Variants in ADK observed in about 807,000 individuals in gnomAD.
ADK encodes adenosine kinase.
Under a neutral mutation model 44.7 loss-of-function variants are expected in ADK, and 24 were observed. That is an observed-to-expected ratio of 0.54 (90% CI 0.39 to 0.76). The LOEUF is 0.76. Ranked by LOEUF, ADK falls within the 30% of genes least tolerant of loss-of-function variation. The pLI, the probability that ADK is intolerant of heterozygous loss-of-function variation, is 0.00. For synonymous variants in ADK, 128 were observed against 142.6 expected (o/e 0.90, Z 0.73); for missense variants, 321 against 425.1 (o/e 0.76, Z 2.15).
chr10:74,398,713 G>A, intron 6 of ADK, 134 bp downstream of exon 6: 1 of 514,720 alleles, frequency 1.9e-6, no homozygotes, highest in Admixed American at 3.4e-5. Context: ...GCATATGTTA[G>A]ATTCACTATT....
At chr10:74,604,035 G>A (rs900807260) in intron 9 of ADK, among the ~76,000 whole-genome samples, 9 of 152,070 alleles carry the variant, frequency 5.9e-5, no homozygotes, top group Admixed American at 2.0e-4. Context: ...TTTGTTGGCC[G>A]CATAAATATC....
intron 6 of ADK, among the ~76,000 whole-genome samples, chr10:74,472,036 G>A (rs1474600534): frequency 6.6e-6 from 1 of 151,766 alleles, no homozygotes; most frequent in Non-Finnish European, 1.5e-5. Context: ...GACTGCTCTG[G>A]ATACAACTTC....
chr10:74,402,795 G>A (rs1196961647), intron 6 of ADK, among the ~76,000 whole-genome samples: 1 of 152,178 alleles, frequency 6.6e-6, no homozygotes, highest in Admixed American at 6.5e-5. Flanking sequence ...TTGCTGGCGA[G>A]GAGCTGTGTT....
intron 4 of ADK, among the ~76,000 whole-genome samples, chr10:74,316,381 T>C (rs1204435368): frequency 6.6e-6 from 1 of 152,202 alleles, no homozygotes; most frequent in Non-Finnish European, 1.5e-5. Flanking sequence ...CACCCAAATC[T>C]AATCTTGAAT....
intron 6 of ADK, among the ~76,000 whole-genome samples, chr10:74,427,227 CT>C (rs1413818835): frequency 1.3e-5 from 2 of 152,012 alleles, no homozygotes; most frequent in Non-Finnish European, 2.9e-5. Context: ...GAGGTGGAGT[CT>C]GGCTCTGTCG....
chr10:74,237,623 A>T (rs1404883918), intron 3 of ADK, among the ~76,000 whole-genome samples: 1 of 152,238 alleles, frequency 6.6e-6, no homozygotes, highest in Non-Finnish European at 1.5e-5. Flanking sequence ...ATCACGGTCT[A>T]TGGCAGCTAT....
intron 10 of ADK, among the ~76,000 whole-genome samples, chr10:74,677,579 A>G (rs1162388562): frequency 6.6e-6 from 1 of 152,154 alleles, no homozygotes; most frequent in Non-Finnish European, 1.5e-5. Flanking sequence ...AGACTAGAAG[A>G]CAACTTGGTA....
chr10:74,168,896 C>A (rs12357530), intron 1 of ADK, among the ~76,000 whole-genome samples: 19,098 of 151,984 alleles, frequency 0.13, 1,206 homozygotes, highest in Middle Eastern at 0.2. Context: ...CAGACGTGAG[C>A]CACCGTGCCT....
intron 6 of ADK, among the ~76,000 whole-genome samples, chr10:74,476,818 T>C (rs189703808): frequency 1.3e-5 from 2 of 152,282 alleles, no homozygotes; most frequent in Admixed American, 1.3e-4. Flanking sequence ...CTGCCAACCA[T>C]GGGAAAAGTT....
chr10:74,495,428 CT>C (rs1847648372), intron 6 of ADK, among the ~76,000 whole-genome samples: 1 of 151,972 alleles, frequency 6.6e-6, no homozygotes, highest in Non-Finnish European at 1.5e-5. Flanking sequence ...TTTCAACTTC[CT>C]TAGGGTATTT....
intron 2 of ADK, among the ~76,000 whole-genome samples, chr10:74,207,028 G>C (rs1564593055): frequency 6.6e-6 from 1 of 152,212 alleles, no homozygotes; most frequent in South Asian, 2.1e-4. Context: ...GCGTGGCAAA[G>C]AGTGTGTGAG....
Position 74,593,118 on chromosome 10 carries a change from G to A in ADK, c.762+3801G>A, listed in dbSNP as rs931945781. Reference sequence around the variant, plus strand: ...TGTGTTCTTCACAAATATAAATAGTGCAATGAATGATCACTCAGAGTTTCA... The same window carrying A: ...TGTGTTCTTCACAAATATAAATAGTACAATGAATGATCACTCAGAGTTTCA... On this transcript the variant is annotated intron_variant, in intron 8 of 10. Coordinates refer to ENST00000539909, the MANE Select transcript of ADK (RefSeq NM_006721.4). Among the ~76,000 whole-genome samples, 14 of 152,182 alleles carry A rather than the reference G, an allele frequency of 9.2e-5. No individual in the cohort carries two copies. The East Asian group carries it at 2.7e-3, about 29-fold the overall frequency.
chr10:74,391,233 T>C (rs1843317731), intron 4 of ADK, among the ~76,000 whole-genome samples: 1 of 152,180 alleles, frequency 6.6e-6, no homozygotes. Context: ...TACAATTTGA[T>C]ACCTTCTTTG....
intron 6 of ADK, among the ~76,000 whole-genome samples, chr10:74,474,678 G>GT (rs1263941132): frequency 1.8e-4 from 27 of 151,494 alleles, no homozygotes; most frequent in South Asian, 4.2e-4. Context: ...ATGTGTGTGG[G>GT]GGTGTGTGTG....
intron 7 of ADK, among the ~76,000 whole-genome samples, chr10:74,577,609 G>A (rs370512460): frequency 3.1e-4 from 47 of 151,622 alleles, no homozygotes; most frequent in Admixed American, 9.9e-4. Flanking sequence ...AGTAGATGCT[G>A]CTCTGTTTTT....
rs1849369635 is a variant in ADK, at chr10:74,533,832, T to G, written c.726+8406T>G. 3.9e-5 allele frequency among the ~76,000 whole-genome samples: 6 copies of G among 152,220 alleles called. No homozygotes were observed. In the South Asian group the frequency reaches 1.2e-3, roughly 31 times the overall value. Reference sequence around the variant, plus strand: ...CCATGTAAAGACATACACAGGTGTTTATAGCAGCTTTATTTGTAATGGCCA... The same window carrying G: ...CCATGTAAAGACATACACAGGTGTTGATAGCAGCTTTATTTGTAATGGCCA... On this transcript the variant is annotated intron_variant, in intron 7 of 10. Transcript: ENST00000539909.
intron 6 of ADK, among the ~76,000 whole-genome samples, chr10:74,478,952 A>G (rs926075589): frequency 6.6e-6 from 1 of 152,072 alleles, no homozygotes; most frequent in African/African-American, 2.4e-5. Context: ...CTTTCCAACT[A>G]TATTTTTCTG....
At chr10:74,579,514 A>G (rs945293535) in intron 7 of ADK, among the ~76,000 whole-genome samples, 1 of 152,154 alleles carries the variant, frequency 6.6e-6, no homozygotes, top group Admixed American at 6.6e-5. Flanking sequence ...TAGACACTAG[A>G]CAATACTGGG....
intron 10 of ADK, among the ~76,000 whole-genome samples, chr10:74,691,500 C>T (rs972572446): frequency 1.3e-5 from 2 of 152,032 alleles, no homozygotes; most frequent in African/African-American, 4.8e-5. Context: ...AGTGAGTGAG[C>T]AAGGGTGGGG....
Sources: gnomAD v4.1 joint callset for allele counts (sites outside exome capture counted in the v4.1 genomes callset) on GRCh38, gnomAD v4.1.1 for gene constraint, MANE v1.5 for transcripts, NCBI Gene and HGNC (gene_info 2026-07-23, HGNC 2026-07-21) for gene names.